TRAF3: variants seen among roughly 807,000 people sequenced by gnomAD.
TRAF3 encodes the protein TNF receptor associated factor 3.
A neutral mutation model predicts 62.3 loss-of-function variants in TRAF3; 13 were observed. That is an observed-to-expected ratio of 0.21 (90% confidence interval 0.14 to 0.33). The LOEUF is 0.33. Among genes scored for constraint, TRAF3 ranks in the 10% least tolerant of loss-of-function variants. The probability of loss-of-function intolerance (pLI) is 1.00; values close to 1 mark genes in which losing one functional copy is unlikely to be tolerated. For synonymous variants in TRAF3, 269 were observed against 283.4 expected (o/e 0.95, Z 0.51); for missense variants, 440 against 741.8 (o/e 0.59, Z 4.73).
At chr14:102,838,515 T>C (rs1384275706) in intron 2 of TRAF3, among the ~76,000 whole-genome samples, 1 of 152,258 alleles carries the variant, frequency 6.6e-6, no homozygotes, top group Non-Finnish European at 1.5e-5. Flanking sequence ...GACTACAGGA[T>C]AAATTTAGCA....
intron 4 of TRAF3, among the ~76,000 whole-genome samples, chr14:102,873,855 C>T (rs1261604535): frequency 1.3e-5 from 2 of 152,114 alleles, no homozygotes. Context: ...TTTCTCTCAG[C>T]AGTCCAAAAA....
At chr14:102,874,610 G>A (rs746437909) in intron 4 of TRAF3, among the ~76,000 whole-genome samples, 8 of 151,446 alleles carry the variant, frequency 5.3e-5, no homozygotes, top group Admixed American at 4.6e-4. Context: ...TGTTTTCTAA[G>A]GGAAAAATAA....
rs1555373885 is a variant in TRAF3 at position 102,870,366 on chromosome 14, G to A, written c.165G>A (p.Lys55=). ...KTVEDKYKCE[K]CHLVLCSPKQ... Reference sequence around the variant, plus strand: ...TGGAGGACAAGTACAAGTGTGAGAAGTGCCACCTGGTGCTGTGCAGCCCGA... The same window carrying A: ...TGGAGGACAAGTACAAGTGTGAGAAATGCCACCTGGTGCTGTGCAGCCCGA... The change falls in exon 3 of 12, where the codon AAG becomes AAA. Residue 55 remains lysine, a synonymous_variant. Transcript: ENST00000392745. The A allele has an allele frequency of 1.9e-6, 3 of 1,614,238 alleles. No homozygotes were observed. The highest frequency in any genetic ancestry group is 3.3e-5 in the Admixed American group (2 of 60,022).
intron 7 of TRAF3, among the ~76,000 whole-genome samples, chr14:102,886,705 G>A (rs1275042056): frequency 2.6e-5 from 4 of 151,434 alleles, no homozygotes; most frequent in Non-Finnish European, 4.4e-5. Flanking sequence ...GAACAGAGCC[G>A]AGATCACACC....
intron 2 of TRAF3, among the ~76,000 whole-genome samples, chr14:102,849,819 T>C (rs1455935218): frequency 1.3e-5 from 2 of 152,236 alleles, no homozygotes; most frequent in African/African-American, 2.4e-5. Context: ...AGCTTTCTTA[T>C]CAGCAGGGCA....
chr14:102,850,824 T>C (rs886797248), intron 2 of TRAF3, among the ~76,000 whole-genome samples: 2 of 152,138 alleles, frequency 1.3e-5, no homozygotes, highest in Non-Finnish European at 2.9e-5. Flanking sequence ...CACAATTCCC[T>C]TCATTGTAAT....
rs929957925 is a variant in TRAF3 at position 102,854,803 on chromosome 14, T to G, written c.-17-15382T>G. On this transcript the variant is annotated intron_variant, in intron 2 of 11. Coordinates refer to ENST00000392745, the MANE Select transcript of TRAF3 (RefSeq NM_145725.3). ...GGTGTCAGCTGCCGCACCTGGCTGTTTTTTTTTTTTTTTTTTTAACAATGT... is the reference window on the plus strand; with the variant it reads ...GGTGTCAGCTGCCGCACCTGGCTGTGTTTTTTTTTTTTTTTTTAACAATGT... 5.5e-4 allele frequency among the ~76,000 whole-genome samples: 12 copies of G among 21,860 alleles called. No individual in the cohort carries two copies. In the East Asian group the frequency reaches 9.4e-3, roughly 17 times the overall value. The allele number at this position is 21,860 out of a possible 152,430, so 14.3% of individuals were successfully genotyped here. A position where few individuals can be genotyped will look rare whatever the true frequency, so the allele number is the denominator to read the frequency against.
chr14:102,898,801 C>T (rs1172189773), intron 10 of TRAF3, among the ~76,000 whole-genome samples: 3 of 152,214 alleles, frequency 2.0e-5, no homozygotes, highest in African/African-American at 7.2e-5. Flanking sequence ...CGAGTTTAAT[C>T]ACTCTATGGT....
chr14:102,900,682 G>A (rs1227113368), intron 10 of TRAF3, among the ~76,000 whole-genome samples: 1 of 152,220 alleles, frequency 6.6e-6, no homozygotes, highest in Non-Finnish European at 1.5e-5. Context: ...GGCACCACCG[G>A]GCTTCTCACA....
intron 1 of TRAF3, among the ~76,000 whole-genome samples, chr14:102,783,564 G>A (rs1352490885): frequency 1.3e-5 from 2 of 152,172 alleles, no homozygotes; most frequent in African/African-American, 4.8e-5. Context: ...GGTTTGGTAT[G>A]CCCATTAAGT....
intron 1 of TRAF3, among the ~76,000 whole-genome samples, chr14:102,791,738 A>T (rs1897799461): frequency 6.6e-6 from 1 of 152,138 alleles, no homozygotes; most frequent in African/African-American, 2.4e-5. Flanking sequence ...GAAAGTGAGC[A>T]TCCTCATATT....
chr14:102,881,700 TAACA>T (rs1889079388), intron 6 of TRAF3, among the ~76,000 whole-genome samples: 2 of 152,200 alleles, frequency 1.3e-5, no homozygotes, highest in African/African-American at 2.4e-5. Context: ...TTTACCTGTG[TAACA>T]AACCCACGCA....
At chr14:102,793,162 C>A (rs1807963634) in intron 1 of TRAF3, among the ~76,000 whole-genome samples, 1 of 151,856 alleles carries the variant, frequency 6.6e-6, no homozygotes, top group Non-Finnish European at 1.5e-5. Context: ...GGGAACCAAT[C>A]TTTTTTTGAG....
At chr14:102,898,753 CTTCCAGTCAGGTGTTGTCA>C (rs1890128327) in intron 10 of TRAF3, among the ~76,000 whole-genome samples, 1 of 152,266 alleles carries the variant, frequency 6.6e-6, no homozygotes, top group South Asian at 2.1e-4. Flanking sequence ...AGTTTCTCCC[CTTCCAGTCAGGTGTTGTCA>C]TTTACTTTCC....
chr14:102,783,618 C>T (rs556520727), intron 1 of TRAF3, among the ~76,000 whole-genome samples: 15 of 152,264 alleles, frequency 9.9e-5, no homozygotes, highest in South Asian at 2.1e-4. Flanking sequence ...TACTCAGTAA[C>T]GTGGCTGATT....
At chr14:102,895,518 C>T (rs180725504) in intron 9 of TRAF3, among the ~76,000 whole-genome samples, 17 of 152,310 alleles carry the variant, frequency 1.1e-4, no homozygotes, top group African/African-American at 2.6e-4. Context: ...ACCTTTGTGA[C>T]CATTGGTCCC....
intron 1 of TRAF3, among the ~76,000 whole-genome samples, chr14:102,812,655 C>A (rs889066562): frequency 6.6e-6 from 1 of 152,108 alleles, no homozygotes; most frequent in African/African-American, 2.4e-5. Flanking sequence ...CGTGGTGGCT[C>A]ACGCCTGTAA....
chr14:102,897,133 A>AT (rs1196115327), intron 9 of TRAF3, 128 bp from the exon 10 acceptor site: 8 of 890,436 alleles, frequency 9.0e-6, no homozygotes, highest in South Asian at 4.8e-5. Context: ...GTGTGAAGGG[A>AT]TTTTTTTCTT....
chr14:102,778,612 G>T (rs201685327), intron 1 of TRAF3, among the ~76,000 whole-genome samples: 1 of 140,366 alleles, frequency 7.1e-6, no homozygotes, highest in South Asian at 2.3e-4. Flanking sequence ...TGTGTGTATG[G>T]ATATAATTCA....
Sources: allele counts gnomAD v4.1 joint callset (sites outside exome capture counted in the v4.1 genomes callset), GRCh38; gene constraint gnomAD v4.1.1; transcripts MANE v1.5; gene names NCBI Gene and HGNC (gene_info 2026-07-23, HGNC 2026-07-21).